The following PCGF5 variants were observed in gnomAD, a reference collection of about 807,000 sequenced individuals.
The protein encoded by PCGF5 is polycomb group ring finger 5, also known as polycomb group RING finger protein 5.
Under a neutral mutation model 44.3 loss-of-function variants are expected in PCGF5, and 9 were observed. That is an observed-to-expected ratio of 0.20 (90% CI 0.12 to 0.35). PCGF5 has a LOEUF of 0.35. PCGF5 is among the 10% of genes least tolerant of loss of function. The pLI, the probability that PCGF5 is intolerant of heterozygous loss-of-function variation, is 1.00. For synonymous variants in PCGF5, 95 were observed against 102.5 expected, an observed-to-expected ratio of 0.93 and a Z score of 0.44; for missense variants, 146 against 305.3, an observed-to-expected ratio of 0.48 and a Z score of 3.89.
At position 91,278,408 on chromosome 10, in the gene PCGF5, A is replaced by T. The variant is rs1846369646; in HGVS notation, c.*92A>T. 8.9e-7 allele frequency: 1 copy of T among 1,129,494 alleles called. No homozygotes were observed. 70.0% of individuals were successfully genotyped at this position (1,129,494 alleles called of 1,614,324 possible). A position where few individuals can be genotyped will look rare whatever the true frequency, so the allele number is the denominator to read the frequency against. On this transcript the variant is annotated 3_prime_UTR_variant, in exon 10 of 10. Transcript: ENST00000336126. Reference sequence around the variant, plus strand: ...AGTTAACGGTGTGTGGACTAGAGGAACACAACCAGATTTTCAGCATGCAAA... The same window carrying T: ...AGTTAACGGTGTGTGGACTAGAGGATCACAACCAGATTTTCAGCATGCAAA...
intron 1 of PCGF5, among the ~76,000 whole-genome samples, chr10:91,178,673 G>A (rs1030885054): frequency 1.3e-5 from 2 of 152,034 alleles, no homozygotes; most frequent in African/African-American, 4.8e-5. Context: ...ACAGGTGTGA[G>A]CCCCTGCACC....
chr10:91,177,457 G>A (rs530388381), intron 1 of PCGF5, among the ~76,000 whole-genome samples: 4 of 152,224 alleles, frequency 2.6e-5, no homozygotes, highest in African/African-American at 4.8e-5. Context: ...ATTTAAGTCT[G>A]CAGAGGTTTC....
upstream of PCGF5, among the ~76,000 whole-genome samples, chr10:91,217,329 G>A (rs1007799223): frequency 1.3e-5 from 2 of 152,222 alleles, no homozygotes; most frequent in African/African-American, 2.4e-5. Flanking sequence ...ACCGCACCCA[G>A]CTGAAAAATT....
intron 8 of PCGF5, among the ~76,000 whole-genome samples, chr10:91,270,104 G>A (rs1487378142): frequency 6.6e-6 from 1 of 152,096 alleles, no homozygotes; most frequent in African/African-American, 2.4e-5. Context: ...CCTTCACTTA[G>A]TTTCATCCCT....
intron 1 of PCGF5, among the ~76,000 whole-genome samples, chr10:91,199,933 G>A (rs1339724412): frequency 6.6e-6 from 1 of 152,188 alleles, no homozygotes; most frequent in Non-Finnish European, 1.5e-5. Flanking sequence ...GAAAAAGAAA[G>A]CAATAAAGGG....
chr10:91,241,731 A>G (rs552390557), intron 3 of PCGF5, among the ~76,000 whole-genome samples: 6 of 151,790 alleles, frequency 4.0e-5, no homozygotes, highest in African/African-American at 1.2e-4. Context: ...GGAACCTTTC[A>G]TAACTCTCTT....
intron 7 of PCGF5, among the ~76,000 whole-genome samples, chr10:91,263,676 C>G (rs1845978302): frequency 6.6e-6 from 1 of 152,144 alleles, no homozygotes; most frequent in African/African-American, 2.4e-5. Context: ...GTTCCTGTAG[C>G]CTTCTTAAAG....
At chr10:91,275,620 T>G (rs1846291916) in intron 9 of PCGF5, among the ~76,000 whole-genome samples, 1 of 149,820 alleles carries the variant, frequency 6.7e-6, no homozygotes, top group South Asian at 2.1e-4. Context: ...TTTTTTTTTT[T>G]TTTTTTGTAT....
At chr10:91,231,167 A>G (rs1247476282) in intron 2 of PCGF5, among the ~76,000 whole-genome samples, 1 of 152,166 alleles carries the variant, frequency 6.6e-6, no homozygotes, top group Non-Finnish European at 1.5e-5. Context: ...TAGGGTCTAC[A>G]ATTTTGGTTC....
chr10:91,262,148 G>A (rs1224371607), intron 7 of PCGF5, among the ~76,000 whole-genome samples: 1 of 152,182 alleles, frequency 6.6e-6, no homozygotes, highest in African/African-American at 2.4e-5. Flanking sequence ...GACCAGGCCA[G>A]GCGTGGTGGC....
chr10:91,188,636 A>G (rs1843970935), intron 1 of PCGF5, among the ~76,000 whole-genome samples: 1 of 152,034 alleles, frequency 6.6e-6, no homozygotes, highest in Non-Finnish European at 1.5e-5. Flanking sequence ...CACCGCCTTC[A>G]TTTGGATTCT....
chr10:91,206,597 G>C (rs1220477783), intron 1 of PCGF5, among the ~76,000 whole-genome samples: 2 of 152,292 alleles, frequency 1.3e-5, no homozygotes, highest in African/African-American at 4.8e-5. Flanking sequence ...CAACTGCATA[G>C]TTGCCAGTCT....
chr10:91,173,087 A>T (rs1843639796), intron 1 of PCGF5, among the ~76,000 whole-genome samples: 1 of 152,236 alleles, frequency 6.6e-6, no homozygotes, highest in African/African-American at 2.4e-5. Context: ...TCTATCTCCT[A>T]GGTATTCAAT....
At chr10:91,193,139 C>A (rs1314926710) in intron 1 of PCGF5, among the ~76,000 whole-genome samples, 1 of 152,140 alleles carries the variant, frequency 6.6e-6, no homozygotes, top group East Asian at 1.9e-4. Flanking sequence ...GGCATGTAGC[C>A]TTGAAGAGCA....
chr10:91,159,333 T>C (rs544308150), upstream of PCGF5, among the ~76,000 whole-genome samples: 32 of 152,266 alleles, frequency 2.1e-4, no homozygotes, highest in Middle Eastern at 3.4e-3. Flanking sequence ...TGTTCATGGC[T>C]CCCCTCAAAT....
chr10:91,202,115 CT>C (rs571913643), intron 1 of PCGF5, among the ~76,000 whole-genome samples: 183 of 152,222 alleles, frequency 1.2e-3, no homozygotes, highest in African/African-American at 4.0e-3. Context: ...TACTCACCCC[CT>C]AGGATTATTG....
At position 91,269,558 on chromosome 10, in the gene PCGF5, G is replaced by A. The variant is rs561371250; in HGVS notation, c.664-2080G>A. Among the ~76,000 whole-genome samples, 7 of 152,124 alleles carry A rather than the reference G, an allele frequency of 4.6e-5. No individual in the cohort carries two copies. The South Asian group carries it at 1.5e-3, about 32-fold the overall frequency. ...TTTTTCAAATTTTTTGACATTACAA[G>A]CAAGGTGTTCCAGTACCTACTACAT... On this transcript the variant is annotated intron_variant, in intron 8 of 9. Coordinates refer to ENST00000336126, the MANE Select transcript of PCGF5 (RefSeq NM_032373.5).
chr10:91,165,282 C>T (rs1280328416), intron 1 of PCGF5, among the ~76,000 whole-genome samples: 4 of 152,172 alleles, frequency 2.6e-5, no homozygotes, highest in Non-Finnish European at 4.4e-5. Flanking sequence ...AAGTATGTTA[C>T]TATGTAACTT....
chr10:91,212,789 G>C (rs1421412909), intron 1 of PCGF5, among the ~76,000 whole-genome samples: 2 of 152,102 alleles, frequency 1.3e-5, no homozygotes, highest in African/African-American at 2.4e-5. Flanking sequence ...TTAATCTTAA[G>C]ATTTTTTTCT....
Sources: gnomAD v4.1 joint callset for allele counts (sites outside exome capture counted in the v4.1 genomes callset) on GRCh38, gnomAD v4.1.1 for gene constraint, MANE v1.5 for transcripts, NCBI Gene and HGNC (gene_info 2026-07-23, HGNC 2026-07-21) for gene names.